DOK6: variants seen among roughly 807,000 people sequenced by gnomAD.
DOK6 encodes the protein downstream of tyrosine kinase 6.
DOK6 carries 22 observed loss-of-function variants against 44.0 expected under a neutral mutation model. The observed-to-expected ratio is 0.50, with a 90% CI of 0.36 to 0.71. DOK6 has a LOEUF of 0.71. DOK6 is among the 30% of genes least tolerant of loss of function. DOK6 has a pLI of 0.00. For synonymous variants in DOK6, 166 were observed against 145.5 expected (o/e 1.14, Z -1.01); for missense variants, 340 against 416.4 (o/e 0.82, Z 1.60).
rs1210223283 is a variant in DOK6, at chr18:69,811,561, TATATATATATATATATCA to T, written c.857-29681_857-29664del. On this transcript the variant is annotated intron_variant, in intron 7 of 7. Coordinates refer to ENST00000382713, the MANE Select transcript of DOK6 (RefSeq NM_152721.6). ...ATATATATATATATATATATATATA[TATATATATATATATATCA>T]AAACACTACGTTGTACACAATCAAT... Among the ~76,000 whole-genome samples, 74 of 14,438 alleles carry T rather than the reference TATATATATATATATATCA, an allele frequency of 5.1e-3. 1 individual carries two copies. Among genetic ancestry groups the T allele is most frequent in the Admixed American group, 6.4e-3 (5 of 778 alleles). The allele number at this position is 14,438 out of a possible 152,430, so 9.5% of individuals were successfully genotyped here.
intron 1 of DOK6, among the ~76,000 whole-genome samples, chr18:69,558,056 T>C (rs1420991156): frequency 1.3e-5 from 2 of 152,168 alleles, no homozygotes; most frequent in Admixed American, 1.3e-4. Flanking sequence ...AAAGAATGTG[T>C]ATCTTTCATT....
chr18:69,588,677 G>C (rs1245721364), intron 2 of DOK6, among the ~76,000 whole-genome samples: 1 of 152,134 alleles, frequency 6.6e-6, no homozygotes, highest in African/African-American at 2.4e-5. Context: ...CTGCTTGTTG[G>C]AGGGGCAGAT....
At chr18:69,810,032 T>C (rs535194150) in intron 7 of DOK6, among the ~76,000 whole-genome samples, 16 of 151,946 alleles carry the variant, frequency 1.1e-4, no homozygotes, top group African/African-American at 3.9e-4. Context: ...CAAAGTAATG[T>C]TGAACAAAAG....
At chr18:69,589,056 C>G (rs1599208675) in intron 2 of DOK6, among the ~76,000 whole-genome samples, 2 of 151,794 alleles carry the variant, frequency 1.3e-5, no homozygotes, top group Non-Finnish European at 2.9e-5. Context: ...AAGGAAGCAG[C>G]TACTGGAAAA....
intron 1 of DOK6, among the ~76,000 whole-genome samples, chr18:69,496,968 T>C (rs898173298): frequency 1.3e-5 from 2 of 152,206 alleles, no homozygotes; most frequent in Non-Finnish European, 2.9e-5. Flanking sequence ...AAACATGAGT[T>C]AACACTGTTG....
chr18:69,768,907 TTA>T (rs139180351), intron 7 of DOK6, among the ~76,000 whole-genome samples: 4,652 of 150,592 alleles, frequency 0.031, 128 homozygotes, highest in East Asian at 0.091. Context: ...AGGAGCATGG[TTA>T]TATGTTTATA....
At chr18:69,441,414 C>T (rs1401674516) in intron 1 of DOK6, among the ~76,000 whole-genome samples, 2 of 152,082 alleles carry the variant, frequency 1.3e-5, no homozygotes, top group East Asian at 3.9e-4. Context: ...CAATTTAAAA[C>T]ATTAGGAGAC....
At chr18:69,449,201 A>C (rs1201500890) in intron 1 of DOK6, among the ~76,000 whole-genome samples, 1 of 152,230 alleles carries the variant, frequency 6.6e-6, no homozygotes, top group African/African-American at 2.4e-5. Flanking sequence ...AGTTGGGTGC[A>C]AGATAAGTCT....
At chr18:69,435,025 G>GGGAAGGAAGGAAGGACGGACGGAAGGAA (rs1246684554) in intron 1 of DOK6, among the ~76,000 whole-genome samples, 5 of 72,266 alleles carry the variant, frequency 6.9e-5, no homozygotes, top group South Asian at 6.5e-4. Flanking sequence ...TAGGGAGGGA[G>GGGAAGGAAGGAAGGACGGACGGAAGGAA]GGAAGGAAGG....
At chr18:69,534,907 C>G (rs771523283) in intron 1 of DOK6, among the ~76,000 whole-genome samples, 3 of 151,984 alleles carry the variant, frequency 2.0e-5, no homozygotes, top group Non-Finnish European at 4.4e-5. Context: ...GACTTTTGAA[C>G]GTTAGGCTCA....
At chr18:69,628,355 T>C (rs1984608178) in intron 3 of DOK6, among the ~76,000 whole-genome samples, 1 of 152,204 alleles carries the variant, frequency 6.6e-6, no homozygotes, top group Non-Finnish European at 1.5e-5. Context: ...CCAGGTTTCA[T>C]GGCCCATGCC....
intron 6 of DOK6, 44 bp from the exon 7 acceptor site, chr18:69,757,712 A>G (rs1199272328): frequency 6.6e-7 from 1 of 1,519,978 alleles, no homozygotes; most frequent in African/African-American, 1.4e-5. Context: ...ATTTCAGTTT[A>G]ATATTTTAAA....
chr18:69,401,613 T>C (rs1484034095), intron 1 of DOK6, among the ~76,000 whole-genome samples: 3 of 152,104 alleles, frequency 2.0e-5, no homozygotes, highest in African/African-American at 7.2e-5. Flanking sequence ...GAACGTGCCT[T>C]GGAGGAGGTT....
At chr18:69,663,071 G>A (rs1985570027) in intron 3 of DOK6, 1 of 152,166 alleles carries the variant, frequency 6.6e-6, no homozygotes, top group Admixed American at 6.5e-5. Context: ...GGAGTTAAAA[G>A]GCAGTCTGCC....
intron 1 of DOK6, among the ~76,000 whole-genome samples, chr18:69,406,114 C>T (rs757654333): frequency 7.9e-5 from 12 of 152,146 alleles, no homozygotes; most frequent in East Asian, 1.9e-4. Context: ...ATATTCCTTA[C>T]GCTGTGTGTA....
intron 1 of DOK6, among the ~76,000 whole-genome samples, chr18:69,462,310 T>A (rs1040273863): frequency 3.9e-5 from 6 of 152,222 alleles, no homozygotes; most frequent in African/African-American, 1.4e-4. Flanking sequence ...CACTAACCAC[T>A]GATTAAATGA....
chr18:69,416,551 GTGGGAGAAACATC>G (rs1368954530), intron 1 of DOK6, among the ~76,000 whole-genome samples: 2 of 151,774 alleles, frequency 1.3e-5, no homozygotes, highest in African/African-American at 2.4e-5. Context: ...GCAGCAGAAA[GTGGGAGAAACATC>G]TGCCTTCTGT....
chr18:69,475,581 G>A (rs888868595), intron 1 of DOK6, among the ~76,000 whole-genome samples: 16 of 152,082 alleles, frequency 1.1e-4, no homozygotes, highest in Non-Finnish European at 2.1e-4. Context: ...AGATGGCCCC[G>A]CCTCTACCTT....
At chr18:69,456,262 T>C (rs2122467570) in intron 1 of DOK6, among the ~76,000 whole-genome samples, 1 of 152,266 alleles carries the variant, frequency 6.6e-6, no homozygotes, top group East Asian at 1.9e-4. Context: ...TATTGCATCC[T>C]GGTAGTGAGC....
Sources: allele counts gnomAD v4.1 joint callset (sites outside exome capture counted in the v4.1 genomes callset), GRCh38; gene constraint gnomAD v4.1.1; transcripts MANE v1.5; gene names NCBI Gene and HGNC (gene_info 2026-07-23, HGNC 2026-07-21).